The following ZNF658 variants were observed in gnomAD, a reference collection of about 807,000 sequenced individuals.
The protein encoded by ZNF658 is zinc finger protein 658.
A neutral mutation model predicts 78.0 loss-of-function variants in ZNF658; 46 were observed. The ratio of observed to expected loss-of-function variants is 0.59; its 90% CI spans 0.47 to 0.75. ZNF658 has a LOEUF of 0.75. ZNF658 is among the 30% of genes least tolerant of loss of function. ZNF658 has a pLI of 0.00. For synonymous variants in ZNF658, 279 were observed against 408.4 expected, an observed-to-expected ratio of 0.68 and a Z score of 3.82; for missense variants, 785 against 1,189.3, an observed-to-expected ratio of 0.66 and a Z score of 5.00.
chr9:66,915,053 G>GCACACACA (rs10608839), intron 4 of ZNF658, among the ~76,000 whole-genome samples: 1 of 144,014 alleles, frequency 6.9e-6, no homozygotes, highest in African/African-American at 2.6e-5. Context: ...CTTTGGAATT[G>GCACACACA]CACACACACA....
At chr9:66,905,927 TCTTA>T (rs1822070106) in intron 2 of ZNF658, among the ~76,000 whole-genome samples, 1 of 148,758 alleles carries the variant, frequency 6.7e-6, no homozygotes, top group African/African-American at 2.5e-5. Context: ...TGCATATGGG[TCTTA>T]CTTGTTGTTT....
chr9:66,920,867 T>C lies in ZNF658; in HGVS notation c.*121T>C. On this transcript the variant is annotated 3_prime_UTR_variant, in exon 5 of 5. Transcript: ENST00000621410. ...CTCATAGTTTGTGGAAAAATCCCAA[T>C]ATGCCGTTTATTCAGGTGGGGCTGA... 1.4e-6 allele frequency: 1 copy of C among 706,478 alleles called. No homozygotes were observed. The highest frequency in any genetic ancestry group is 1.7e-5 in the South Asian group (1 of 58,438). The allele number at this position is 706,478 out of a possible 1,614,324, so 43.8% of individuals were successfully genotyped here.
At chr9:66,921,754 G>A (rs932756158), downstream of ZNF658, among the ~76,000 whole-genome samples, 24 of 150,952 alleles carry the variant, frequency 1.6e-4, no homozygotes, top group Admixed American at 3.3e-4. Flanking sequence ...GGTGTCAGTC[G>A]GCCCCTACTG....
At chr9:66,915,997 C>A (rs1822326976) in intron 4 of ZNF658, among the ~76,000 whole-genome samples, 1 of 140,538 alleles carries the variant, frequency 7.1e-6, no homozygotes, top group South Asian at 2.6e-4. Context: ...TCAAGCAATT[C>A]TCCTGCCCCA....
At chr9:66,912,209 T>A (rs1479096073) in intron 4 of ZNF658, among the ~76,000 whole-genome samples, 3 of 99,192 alleles carry the variant, frequency 3.0e-5, no homozygotes, top group Admixed American at 2.1e-4. Flanking sequence ...TGGAGAACAA[T>A]GAGGAAAGGA....
chr9:66,910,287 A>G (rs1822184150), intron 4 of ZNF658, among the ~76,000 whole-genome samples: 1 of 152,146 alleles, frequency 6.6e-6, no homozygotes. Context: ...TTAAAAAGTT[A>G]TAGTTTTCAA....
At chr9:66,916,132 C>A (rs1822330299) in intron 4 of ZNF658, among the ~76,000 whole-genome samples, 1 of 151,816 alleles carries the variant, frequency 6.6e-6, no homozygotes, top group Non-Finnish European at 1.5e-5. Context: ...TTGTGATCCA[C>A]ACACCTCAGC....
intron 4 of ZNF658, among the ~76,000 whole-genome samples, chr9:66,909,810 A>T (rs1051274870): frequency 1.3e-5 from 2 of 152,206 alleles, no homozygotes; most frequent in Admixed American, 6.5e-5. Context: ...TTTCTGTATT[A>T]GTCAGCTAGG....
rs897942186 is a variant in ZNF658, at chr9:66,904,480, G to A, written c.15+904G>A. On this transcript the variant is annotated intron_variant, in intron 2 of 4. Transcript: ENST00000621410. Reference sequence around the variant, plus strand: ...CCTTGGCTCTTTAGTCTTCTCTGTTGTCTCCAAATGATTTTGTCTTCCCTT... The same window carrying A: ...CCTTGGCTCTTTAGTCTTCTCTGTTATCTCCAAATGATTTTGTCTTCCCTT... Among the ~76,000 whole-genome samples, 4 of 151,560 alleles carry A rather than the reference G, an allele frequency of 2.6e-5. No individual in the cohort carries two copies. In the East Asian group the frequency reaches 7.7e-4, roughly 29 times the overall value.
rs1194296981 is a variant in ZNF658 at position 66,919,949 on chromosome 9, G to GA, written c.2388dup (p.Pro797ThrfsTer3). Reference sequence around the variant, plus strand: ...TGGACATGAGAGAATTCACACAGGGGAAAAACCGTATGAATGTAACGTATG... The same window carrying GA: ...TGGACATGAGAGAATTCACACAGGGGAAAAAACCGTATGAATGTAACGTATG... On this transcript the variant is annotated frameshift_variant, in exon 5 of 5. Coordinates refer to ENST00000621410, the MANE Select transcript of ZNF658 (RefSeq NM_033160.7). LOFTEE classifies it high-confidence loss of function. 1 of 1,606,906 alleles carries GA rather than the reference G, an allele frequency of 6.2e-7. No homozygotes were observed. The highest frequency in any genetic ancestry group is 1.4e-5 in the African/African-American group (1 of 73,734).
At chr9:66,901,900 C>T (rs1270065666) in intron 1 of ZNF658, among the ~76,000 whole-genome samples, 3 of 152,118 alleles carry the variant, frequency 2.0e-5, no homozygotes, top group Non-Finnish European at 4.4e-5. Context: ...CAAGATTGCA[C>T]CACTGCACTC....
At chr9:66,926,782 GCATCACTTCCTAATTT>G (rs1355806190) in intron 6 of ZNF658, among the ~76,000 whole-genome samples, 2 of 132,918 alleles carry the variant, frequency 1.5e-5, no homozygotes, top group African/African-American at 5.7e-5. Flanking sequence ...AAGGCTAGAG[GCATCACTTCCTAATTT>G]CAAAATATAT....
intron 4 of ZNF658, among the ~76,000 whole-genome samples, chr9:66,910,969 G>A (rs1467718528): frequency 6.6e-6 from 1 of 151,722 alleles, no homozygotes; most frequent in Non-Finnish European, 1.5e-5. Context: ...GGATTTGAAT[G>A]ACTGCACCAA....
In ZNF658 at chr9:66,918,452, C is replaced by T. The variant is rs1822399407; in HGVS notation, c.886C>T (p.His296Tyr). 3.1e-6 allele frequency: 5 copies of T among 1,610,576 alleles called. No homozygotes were observed. Among genetic ancestry groups the T allele is most frequent in the East Asian group, 4.5e-5 (2 of 44,832 alleles). Residue 296 changes from histidine to tyrosine, a missense_variant, in exon 5 of 5, where the codon CAC becomes TAC. Coordinates refer to ENST00000621410, the MANE Select transcript of ZNF658 (RefSeq NM_033160.7). ...CAATAAAGTTCACATGGCTATGACA[C>T]ACTATGAGTGTAATGAAAGGGGGAT... ...EYNKVHMAMT[H>Y]YECNERGINF...
chr9:66,925,404 G>T (rs1231315275), downstream of ZNF658, among the ~76,000 whole-genome samples: 1 of 152,004 alleles, frequency 6.6e-6, no homozygotes, highest in Non-Finnish European at 1.5e-5. Flanking sequence ...AAATGAAAAA[G>T]ACATTGCAAC....
chr9:66,921,664 A>T (rs1223693628), downstream of ZNF658, among the ~76,000 whole-genome samples: 4 of 152,118 alleles, frequency 2.6e-5, no homozygotes, highest in African/African-American at 4.8e-5. Flanking sequence ...TGTTATTGCT[A>T]ATCGATTGCA....
In ZNF658 at chr9:66,918,720, A is replaced by C. The variant is rs1289188156; in HGVS notation, c.1154A>C (p.Glu385Ala). 9.3e-6 allele frequency: 15 copies of C among 1,613,874 alleles called. No individual in the cohort carries two copies. The highest frequency in any genetic ancestry group is 1.3e-5 in the Non-Finnish European group (15 of 1,179,862). Residue 385 changes from glutamate (E) to alanine (A), a missense_variant, in exon 5 of 5, where the codon GAA (glutamate) becomes GCA (alanine). Physicochemically the swap from Glu to Ala is moderately radical, Grantham distance 107. This residue lies in a region of ZNF658 where 393 missense variants were observed against 400.2 expected (regional missense o/e 0.98). Coordinates refer to ENST00000621410, the MANE Select transcript of ZNF658 (RefSeq NM_033160.7). ...GAAGATAAATTCTACCTTTCTGATGAACATGGGAAATGCAGAAAATCCTTT... is the reference window on the plus strand; with the variant it reads ...GAAGATAAATTCTACCTTTCTGATGCACATGGGAAATGCAGAAAATCCTTT... ...HTEDKFYLSD[E>A]HGKCRKSFYR...
chr9:66,925,896 C>A (rs77268750), downstream of ZNF658, among the ~76,000 whole-genome samples: 1,980 of 147,470 alleles, frequency 0.013, 65 homozygotes, highest in East Asian at 0.18. Flanking sequence ...ACACCATGAC[C>A]AAGTGGGATT....
At chr9:66,902,030 A>G (rs1458095446) in intron 1 of ZNF658, among the ~76,000 whole-genome samples, 1 of 152,182 alleles carries the variant, frequency 6.6e-6, no homozygotes, top group East Asian at 1.9e-4. Flanking sequence ...ATTTTACTTA[A>G]CTCATTCCTT....
Sources: allele counts gnomAD v4.1 joint callset (sites outside exome capture counted in the v4.1 genomes callset), GRCh38; gene constraint gnomAD v4.1.1; regional missense constraint gnomAD v4.1.1; transcripts MANE v1.5; gene names NCBI Gene and HGNC (gene_info 2026-07-23, HGNC 2026-07-21).